The following ZMYM4 variants were observed in gnomAD, a reference collection of about 807,000 sequenced individuals.
ZMYM4 encodes zinc finger MYM-type protein 4.
A neutral mutation model predicts 183.2 loss-of-function variants in ZMYM4; 31 were observed. That is an observed-to-expected ratio of 0.17 (90% CI 0.13 to 0.23). The LOEUF is 0.23. ZMYM4 is among the 10% of genes least tolerant of loss of function. The pLI is 1.00. For missense variants in ZMYM4, 1,273 were observed against 1,840.3 expected (o/e 0.69, Z 5.64); for synonymous variants, 592 against 631.2 (o/e 0.94, Z 0.93).
chr1:35,273,424 A>G (rs1208837243), intron 1 of ZMYM4, among the ~76,000 whole-genome samples: 1 of 152,216 alleles, frequency 6.6e-6, no homozygotes, highest in Non-Finnish European at 1.5e-5. Context: ...GGCTATTATA[A>G]TAACCAGTAT....
chr1:35,351,959 T>G (rs1023353469), intron 2 of ZMYM4, among the ~76,000 whole-genome samples: 3 of 152,224 alleles, frequency 2.0e-5, no homozygotes, highest in Admixed American at 2.0e-4. Context: ...TTGTGCAAAA[T>G]CTAAGTCTAT....
At chr1:35,374,819 T>C (rs79513566) in intron 7 of ZMYM4, among the ~76,000 whole-genome samples, 1,541 of 152,320 alleles carry the variant, frequency 0.01, 29 homozygotes, top group African/African-American at 0.035. Flanking sequence ...ATGTTACTCT[T>C]TTCATCTAGA....
At position 35,419,780 on chromosome 1, in the gene ZMYM4, G is replaced by C; in HGVS notation, c.*103G>C. The C allele has an allele frequency of 8.6e-7, 1 of 1,168,800 alleles. No homozygotes were observed. The highest frequency in any genetic ancestry group is 1.4e-5 in the South Asian group (1 of 72,034). 72.4% of individuals were successfully genotyped at this position (1,168,800 alleles called of 1,614,324 possible). ...GTATAAGTCTAAGTCCTCTTGACTT[G>C]ACCATAAGATCATGGAAAACAGATG... On this transcript the variant is annotated 3_prime_UTR_variant, in exon 30 of 30. Coordinates refer to ENST00000314607, the MANE Select transcript of ZMYM4 (RefSeq NM_005095.3).
At chr1:35,335,514 C>T (rs1642935428) in intron 2 of ZMYM4, among the ~76,000 whole-genome samples, 4 of 152,100 alleles carry the variant, frequency 2.6e-5, no homozygotes, top group Admixed American at 6.6e-5. Context: ...GCTGGGATCA[C>T]GGGTGTGAGC....
chr1:35,350,763 G>T, intron 2 of ZMYM4: 1 of 471,252 alleles, frequency 2.1e-6, no homozygotes, highest in South Asian at 2.1e-5. Context: ...CCTGCTTTAA[G>T]AGATACCAAG....
intron 23 of ZMYM4, among the ~76,000 whole-genome samples, chr1:35,400,787 A>G (rs1382013786): frequency 3.3e-5 from 5 of 152,152 alleles, no homozygotes; most frequent in Admixed American, 6.5e-5. Flanking sequence ...GCTGACAACC[A>G]CTGATCTACT....
chr1:35,370,999 A>T (rs1644196418), intron 7 of ZMYM4: 1 of 166,602 alleles, frequency 6.0e-6, no homozygotes, highest in Non-Finnish European at 1.3e-5. Flanking sequence ...ATTTTAAGTT[A>T]TATTTCCTGT....
chr1:35,371,061 C>CTGTG (rs1644198097), intron 7 of ZMYM4, among the ~76,000 whole-genome samples: 2 of 121,266 alleles, frequency 1.6e-5, no homozygotes, highest in Admixed American at 8.8e-5. Flanking sequence ...AAATGGCTTC[C>CTGTG]AGTGTGTGTG....
intron 3 of ZMYM4, among the ~76,000 whole-genome samples, chr1:35,359,907 A>T (rs200729593): frequency 9.4e-5 from 10 of 106,468 alleles, no homozygotes; most frequent in South Asian, 6.5e-4. Context: ...TTTTTTTAAT[A>T]AAAAAAACCC....
chr1:35,382,213 CGTATAT>C (rs1644476388), intron 9 of ZMYM4, among the ~76,000 whole-genome samples: 1 of 135,644 alleles, frequency 7.4e-6, no homozygotes, highest in African/African-American at 2.9e-5. Context: ...CACACACACA[CGTATAT>C]ATACGTATAT....
chr1:35,357,014 G>A (rs1643845012), intron 2 of ZMYM4, among the ~76,000 whole-genome samples: 1 of 152,180 alleles, frequency 6.6e-6, no homozygotes, highest in African/African-American at 2.4e-5. Flanking sequence ...CTCCTGAGTA[G>A]CTAGGACTGC....
intron 2 of ZMYM4, among the ~76,000 whole-genome samples, chr1:35,350,069 C>T (rs986638093): frequency 6.6e-6 from 1 of 151,198 alleles, no homozygotes; most frequent in Non-Finnish European, 1.5e-5. Flanking sequence ...CTCAAGTGAT[C>T]CTCCTGCCTC....
intron 2 of ZMYM4, among the ~76,000 whole-genome samples, chr1:35,354,852 A>C (rs943496718): frequency 2.0e-5 from 3 of 151,206 alleles, no homozygotes; most frequent in Non-Finnish European, 4.4e-5. Flanking sequence ...CATTCCTACC[A>C]GCAGTATTTG....
intron 1 of ZMYM4, among the ~76,000 whole-genome samples, chr1:35,307,818 G>A (rs1266028214): frequency 3.3e-5 from 5 of 151,258 alleles, no homozygotes; most frequent in Non-Finnish European, 7.4e-5. Context: ...ACAGGCGTGA[G>A]CCACCGCGCC....
At chr1:35,327,153 G>A (rs748284055) in intron 2 of ZMYM4, among the ~76,000 whole-genome samples, 4 of 152,170 alleles carry the variant, frequency 2.6e-5, no homozygotes, top group African/African-American at 2.4e-5. Context: ...GAGCCACAGC[G>A]CCCGGGCTTT....
At chr1:35,295,531 T>A (rs1557936777) in intron 1 of ZMYM4, among the ~76,000 whole-genome samples, 1 of 152,162 alleles carries the variant, frequency 6.6e-6, no homozygotes, top group Non-Finnish European at 1.5e-5. Flanking sequence ...TGTAGGACGT[T>A]TCAGCATCCC....
chr1:35,391,543 TA>T (rs200821384), intron 15 of ZMYM4, among the ~76,000 whole-genome samples: 4 of 151,500 alleles, frequency 2.6e-5, no homozygotes, highest in East Asian at 1.9e-4. Flanking sequence ...CTCCAAAACT[TA>T]AAAAAAAATT....
chr1:35,273,512 C>A (rs1639719412), intron 1 of ZMYM4, among the ~76,000 whole-genome samples: 1 of 151,960 alleles, frequency 6.6e-6, no homozygotes, highest in African/African-American at 2.4e-5. Context: ...AGTTTACATA[C>A]AAAATAATAA....
chr1:35,418,701 C>G, intron 29 of ZMYM4, 129 bp downstream of exon 29: 1 of 1,164,474 alleles, frequency 8.6e-7, no homozygotes, highest in Non-Finnish European at 1.2e-6. Flanking sequence ...GAATTTTTTC[C>G]CCATTGTCAT....
Sources: gnomAD v4.1 joint callset for allele counts (sites outside exome capture counted in the v4.1 genomes callset) on GRCh38, gnomAD v4.1.1 for gene constraint, MANE v1.5 for transcripts, NCBI Gene and HGNC (gene_info 2026-07-23, HGNC 2026-07-21) for gene names.